Variants in SHROOM3 observed in about 807,000 individuals in gnomAD.
SHROOM3 encodes protein Shroom3.
A neutral mutation model predicts 138.6 loss-of-function variants in SHROOM3; 47 were observed. That is an observed-to-expected ratio of 0.34 (90% CI 0.27 to 0.43). The LOEUF is 0.43. Among genes scored for constraint, SHROOM3 ranks in the 20% least tolerant of loss-of-function variants. The pLI, the probability that SHROOM3 is intolerant of heterozygous loss-of-function variation, is 1.00. For synonymous variants in SHROOM3, 1,062 were observed against 1,063.3 expected (o/e 1.00, Z 0.02); for missense variants, 2,491 against 2,596.5 (o/e 0.96, Z 0.88).
At chr4:76,539,663 G>A (rs769827976) in intron 1 of SHROOM3, among the ~76,000 whole-genome samples, 24 of 152,090 alleles carry the variant, frequency 1.6e-4, no homozygotes, top group Non-Finnish European at 3.1e-4. Flanking sequence ...TCACAGGAAG[G>A]GAAACAGGCA....
chr4:76,741,501 G>C lies in SHROOM3; in HGVS notation c.3328G>C (p.Gly1110Arg), dbSNP rs759543345. The change falls in exon 5 of 11, where the codon GGG becomes CGG. Residue 1110 changes from glycine (G) to arginine (R), a missense_variant. Coordinates refer to ENST00000296043, the MANE Select transcript of SHROOM3 (RefSeq NM_020859.4). The surrounding 1 kb of genome is among the most constrained non-coding windows in gnomAD (Gnocchi z 6.2). ...SAAGCSLQEP[G>R]PLRERAQSAY... ...CGCCGGCTGCAGCCTCCAGGAGCCC[G>C]GGCCACTGCGTGAGCGCGCCCAGAG... is the stretch of plus-strand genomic sequence containing the variant. 6.4e-7 allele frequency: 1 copy of C among 1,555,024 alleles called. No homozygotes were observed. Among genetic ancestry groups the C allele is most frequent in the South Asian group, 1.2e-5 (1 of 85,168 alleles).
chr4:76,740,702 C>T lies in SHROOM3; in HGVS notation c.2529C>T (p.Asn843=), dbSNP rs777056752. The T allele has an allele frequency of 1.2e-6, 2 of 1,613,684 alleles. No homozygotes were observed. The highest frequency in any genetic ancestry group is 1.1e-5 in the South Asian group (1 of 91,080). The part of the protein sequence containing the change: ...RFSESAEPLG[N]GEQHFKNGEL... ...CTGAGTCAGCTGAACCCCTAGGCAA[C>T]GGGGAGCAGCACTTCAAAAACGGGG... is the stretch of plus-strand genomic sequence containing the variant. Residue 843 remains asparagine (N), a synonymous_variant, in exon 5 of 11, where the codon AAC becomes AAT. Coordinates refer to ENST00000296043, the MANE Select transcript of SHROOM3 (RefSeq NM_020859.4). This position sits in a 1 kb window ranked among gnomAD's most constrained non-coding sequence, Gnocchi z 4.0.
intron 1 of SHROOM3, among the ~76,000 whole-genome samples, chr4:76,438,543 C>T (rs1730606239): frequency 6.6e-6 from 1 of 152,204 alleles, no homozygotes; most frequent in African/African-American, 2.4e-5. Flanking sequence ...AGCTCTTGAA[C>T]ATCTTCCCCC....
chr4:76,534,588 T>C (rs202091635), intron 1 of SHROOM3, among the ~76,000 whole-genome samples: 2 of 152,168 alleles, frequency 1.3e-5, no homozygotes, highest in East Asian at 3.8e-4. Flanking sequence ...AATAATAAGT[T>C]ACCAGAAGAG....
At chr4:76,755,256 A>G (rs938411815) in intron 7 of SHROOM3, 64 bp downstream of exon 7, 9 of 1,570,060 alleles carry the variant, frequency 5.7e-6, no homozygotes, top group East Asian at 4.7e-5. Context: ...CAGGTGGCCC[A>G]GGTCCTTCTG....
At chr4:76,742,727 C>G (rs1721302413) in intron 5 of SHROOM3, among the ~76,000 whole-genome samples, 1 of 152,202 alleles carries the variant, frequency 6.6e-6, no homozygotes, top group South Asian at 2.1e-4. Flanking sequence ...TTAGCCTATC[C>G]TCAGGCTTCA....
intron 2 of SHROOM3, among the ~76,000 whole-genome samples, chr4:76,681,138 A>G (rs1719179945): frequency 6.6e-6 from 1 of 152,340 alleles, no homozygotes; most frequent in African/African-American, 2.4e-5. Flanking sequence ...TGTCACTTGC[A>G]GTTCCACAAC....
At chr4:76,498,557 C>T (rs144803457) in intron 1 of SHROOM3, among the ~76,000 whole-genome samples, 2,195 of 152,190 alleles carry the variant, frequency 0.014, 34 homozygotes, top group Non-Finnish European at 0.022. Flanking sequence ...TTTTCATTAA[C>T]GCTACCTTAA....
At chr4:76,476,155 G>A (rs536814805) in intron 1 of SHROOM3, among the ~76,000 whole-genome samples, 46 of 152,174 alleles carry the variant, frequency 3.0e-4, no homozygotes, top group Non-Finnish European at 4.9e-4. Context: ...AGCAGGTGGG[G>A]GAAAATGAGA....
intron 8 of SHROOM3, among the ~76,000 whole-genome samples, chr4:76,757,427 G>A (rs147644504): frequency 2.0e-5 from 3 of 152,270 alleles, no homozygotes; most frequent in East Asian, 3.9e-4. Flanking sequence ...TGTACTTGCC[G>A]GTTCTGTATC....
At chr4:76,468,981 C>G (rs1428309163) in intron 1 of SHROOM3, among the ~76,000 whole-genome samples, 2 of 150,356 alleles carry the variant, frequency 1.3e-5, no homozygotes, top group African/African-American at 4.9e-5. Flanking sequence ...TTGCAGTGAG[C>G]TGAGATGGTG....
Position 76,579,345 on chromosome 4 carries a change from G to A in SHROOM3, c.323+23582G>A, listed in dbSNP as rs528038559. 2.5e-4 allele frequency among the ~76,000 whole-genome samples: 38 copies of A among 152,100 alleles called. No individual in the cohort carries two copies. The South Asian group carries it at 7.9e-3, about 32-fold the overall frequency. ...TAGCTGGGCGTGGTGGCAGGCGCCT[G>A]TAGTCCCAGCTACTCGGGAGGCTGA... is the stretch of plus-strand genomic sequence containing the variant. On this transcript the variant is annotated intron_variant, in intron 2 of 10. Transcript: ENST00000296043.
chr4:76,681,625 G>GTGTGTGTGTGTGTGTGTGTGTGTATGTA (rs150048957), intron 2 of SHROOM3, among the ~76,000 whole-genome samples: 3,436 of 117,614 alleles, frequency 0.029, 192 homozygotes, highest in East Asian at 0.081. Context: ...GTGTGTGTGT[G>GTGTGTGTGTGTGTGTGTGTGTGTATGTA]TGTGTGTGTA....
intron 1 of SHROOM3, among the ~76,000 whole-genome samples, chr4:76,502,191 G>A (rs1304542081): frequency 6.6e-6 from 1 of 152,110 alleles, no homozygotes; most frequent in Admixed American, 6.5e-5. Flanking sequence ...GCCCTCACCG[G>A]ATGCAGCCCC....
intron 2 of SHROOM3, among the ~76,000 whole-genome samples, chr4:76,642,149 T>C (rs553104081): frequency 2.6e-5 from 4 of 152,210 alleles, no homozygotes; most frequent in Non-Finnish European, 5.9e-5. Context: ...ATATGGCCAA[T>C]GTACTTTGTT....
intron 1 of SHROOM3, among the ~76,000 whole-genome samples, chr4:76,521,987 G>T (rs1039569295): frequency 6.6e-6 from 1 of 151,884 alleles, no homozygotes; most frequent in Admixed American, 6.6e-5. Context: ...CAATCTAATC[G>T]TGAGGAAACA....
At chr4:76,608,663 T>C (rs28416132) in intron 2 of SHROOM3, among the ~76,000 whole-genome samples, 473 of 31,140 alleles carry the variant, frequency 0.015, 25 homozygotes, top group East Asian at 0.031. Flanking sequence ...TAGCATAGCA[T>C]AGCACAGCAT....
At chr4:76,626,583 G>A (rs1278132368) in intron 2 of SHROOM3, among the ~76,000 whole-genome samples, 4 of 152,192 alleles carry the variant, frequency 2.6e-5, no homozygotes, top group African/African-American at 7.2e-5. Context: ...TGCATGGGTA[G>A]AATTACCTGA....
chr4:76,713,380 A>G (rs1363940998), intron 3 of SHROOM3, among the ~76,000 whole-genome samples: 1 of 152,044 alleles, frequency 6.6e-6, no homozygotes, highest in African/African-American at 2.4e-5. Flanking sequence ...AGACACAAAC[A>G]CACACTCTAG....
Sources: allele counts gnomAD v4.1 joint callset (sites outside exome capture counted in the v4.1 genomes callset), GRCh38; gene constraint gnomAD v4.1.1; non-coding constraint Gnocchi (gnomAD v3.1); transcripts MANE v1.5; gene names NCBI Gene and HGNC (gene_info 2026-07-23, HGNC 2026-07-21).